The following LSAMP variants were observed in gnomAD, a reference collection of about 807,000 sequenced individuals.
The protein encoded by LSAMP is limbic system associated membrane protein, also known as limbic system-associated membrane protein.
Under a neutral mutation model 38.6 loss-of-function variants are expected in LSAMP, and 7 were observed. The observed-to-expected ratio is 0.18, with a 90% CI of 0.10 to 0.34. The LOEUF (loss-of-function observed/expected upper bound fraction) is 0.34, where lower values mean the gene tolerates loss of function less well. Among genes scored for constraint, LSAMP ranks in the 10% least tolerant of loss-of-function variants. LSAMP has a pLI of 1.00. For missense variants in LSAMP, 313 were observed against 420.0 expected, an observed-to-expected ratio of 0.75 and a Z score of 2.23; for synonymous variants, 154 against 166.8, an observed-to-expected ratio of 0.92 and a Z score of 0.59.
chr3:115,907,964 C>T (rs1937050413), intron 3 of LSAMP, among the ~76,000 whole-genome samples: 1 of 152,038 alleles, frequency 6.6e-6, no homozygotes, highest in African/African-American at 2.4e-5. Flanking sequence ...CAGATGACTT[C>T]ATCTATCTAA....
At chr3:116,286,687 A>C (rs755659540) in intron 1 of LSAMP, among the ~76,000 whole-genome samples, 6 of 152,158 alleles carry the variant, frequency 3.9e-5, no homozygotes, top group Non-Finnish European at 7.3e-5. Flanking sequence ...TTTTTCCACA[A>C]GAACTAGTGA....
chr3:116,269,450 G>A (rs2046940903), intron 1 of LSAMP, among the ~76,000 whole-genome samples: 1 of 152,060 alleles, frequency 6.6e-6, no homozygotes. Flanking sequence ...GGTACACAGT[G>A]CTCAACAAAT....
At chr3:116,327,049 G>A (rs1363668561) in intron 1 of LSAMP, among the ~76,000 whole-genome samples, 1 of 152,162 alleles carries the variant, frequency 6.6e-6, no homozygotes, top group Non-Finnish European at 1.5e-5. Flanking sequence ...TTTCTTAGAT[G>A]TGTCCACATC....
chr3:116,231,302 G>A (rs2046400298), intron 1 of LSAMP, among the ~76,000 whole-genome samples: 2 of 152,096 alleles, frequency 1.3e-5, no homozygotes. Context: ...TAAGAGCTTG[G>A]GTGTGAAAAT....
intron 3 of LSAMP, among the ~76,000 whole-genome samples, chr3:115,924,110 AG>A (rs1482226878): frequency 6.6e-6 from 1 of 152,172 alleles, no homozygotes; most frequent in African/African-American, 2.4e-5. Context: ...AATTCACATT[AG>A]CAAAGATACT....
chr3:116,211,912 C>T (rs558630081), intron 1 of LSAMP, among the ~76,000 whole-genome samples: 115 of 152,256 alleles, frequency 7.6e-4, no homozygotes, highest in African/African-American at 2.6e-3. Flanking sequence ...TAGCAGGAGA[C>T]GTTGGTTCCA....
chr3:116,138,803 TCTTAC>T (rs1221984011), intron 1 of LSAMP, among the ~76,000 whole-genome samples: 4 of 150,394 alleles, frequency 2.7e-5, no homozygotes, highest in African/African-American at 9.7e-5. Flanking sequence ...GTTGCTGAAG[TCTTAC>T]CTTACGTAAA....
intron 6 of LSAMP, among the ~76,000 whole-genome samples, chr3:115,839,234 C>T (rs28610275): frequency 3.6e-5 from 5 of 138,264 alleles, no homozygotes; most frequent in African/African-American, 1.0e-4. Context: ...CCCTCCCTTC[C>T]TTCTTTCCTT....
At chr3:116,178,949 T>C (rs1266359325) in intron 1 of LSAMP, among the ~76,000 whole-genome samples, 1 of 152,052 alleles carries the variant, frequency 6.6e-6, no homozygotes, top group Non-Finnish European at 1.5e-5. Flanking sequence ...TCAAATTGGG[T>C]TTTAATCACT....
At chr3:116,358,031 G>A (rs2048249454) in intron 1 of LSAMP, among the ~76,000 whole-genome samples, 1 of 152,032 alleles carries the variant, frequency 6.6e-6, no homozygotes, top group African/African-American at 2.4e-5. Flanking sequence ...TCCTCCTTAT[G>A]ATACATGAGT....
At chr3:115,839,120 C>T (rs535136935) in intron 6 of LSAMP, among the ~76,000 whole-genome samples, 1 of 152,212 alleles carries the variant, frequency 6.6e-6, no homozygotes. Context: ...TCTGCTGACA[C>T]TTGCACAGTG....
rs540176232 is a variant in LSAMP at position 116,094,975 on chromosome 3, C to T, written c.156-8419G>A. 3.9e-5 allele frequency among the ~76,000 whole-genome samples: 6 copies of T among 152,208 alleles called. No homozygotes were observed. In the South Asian group the frequency reaches 1.2e-3, roughly 32 times the overall value. On this transcript the variant is annotated intron_variant, in intron 1 of 6. Coordinates refer to ENST00000490035, the MANE Select transcript of LSAMP (RefSeq NM_002338.5). The stretch of plus-strand genomic sequence containing the variant: ...ATATATATGCTTATATTCATAGTCT[C>T]TCATTGTAAAGGATAGTAGATAAAA...
chr3:116,325,635 A>G (rs185250693), intron 1 of LSAMP, among the ~76,000 whole-genome samples: 1 of 152,236 alleles, frequency 6.6e-6, no homozygotes, highest in East Asian at 1.9e-4. Context: ...CTTATCCTCA[A>G]ATATTTTTCT....
chr3:116,180,838 C>G (rs1167797657), intron 1 of LSAMP, among the ~76,000 whole-genome samples: 1 of 151,888 alleles, frequency 6.6e-6, no homozygotes, highest in African/African-American at 2.4e-5. Context: ...TTTTGCAGGC[C>G]GGTGCTGTGT....
chr3:116,116,399 TAA>T, intron 1 of LSAMP, among the ~76,000 whole-genome samples: 1 of 151,696 alleles, frequency 6.6e-6, no homozygotes, highest in Non-Finnish European at 1.5e-5. Context: ...AATTCATATT[TAA>T]AATGAGTAAC....
intron 1 of LSAMP, among the ~76,000 whole-genome samples, chr3:116,274,451 T>C (rs2047019915): frequency 6.6e-6 from 1 of 152,192 alleles, no homozygotes; most frequent in Admixed American, 6.6e-5. Context: ...TTATTTTTCA[T>C]TCATTTTTTT....
chr3:116,334,472 C>A (rs1559831812), intron 1 of LSAMP, among the ~76,000 whole-genome samples: 1 of 152,016 alleles, frequency 6.6e-6, no homozygotes, highest in Non-Finnish European at 1.5e-5. Flanking sequence ...CCCTTATGAA[C>A]ATTGATGCAA....
At chr3:116,098,323 A>C (rs891175278) in intron 1 of LSAMP, among the ~76,000 whole-genome samples, 1 of 151,862 alleles carries the variant, frequency 6.6e-6, no homozygotes, top group South Asian at 2.1e-4. Context: ...ACAGGGAGAA[A>C]CCCCATCTCT....
chr3:116,294,412 G>A (rs553205293), intron 1 of LSAMP, among the ~76,000 whole-genome samples: 1 of 151,870 alleles, frequency 6.6e-6, no homozygotes, highest in South Asian at 2.1e-4. Flanking sequence ...TCAGAAATAA[G>A]AACAATAATC....
Sources: allele counts gnomAD v4.1 joint callset (sites outside exome capture counted in the v4.1 genomes callset), GRCh38; gene constraint gnomAD v4.1.1; transcripts MANE v1.5; gene names NCBI Gene and HGNC (gene_info 2026-07-23, HGNC 2026-07-21).